TNRC18: variants seen among roughly 807,000 people sequenced by gnomAD.
The protein encoded by TNRC18 is trinucleotide repeat-containing gene 18 protein.
In TNRC18, 69 loss-of-function variants were observed where a neutral mutation model predicts 226.7. The observed-to-expected ratio is 0.30, with a 90% CI of 0.25 to 0.37. TNRC18 has a LOEUF of 0.37. TNRC18 is among the 10% of genes least tolerant of loss of function. The probability of loss-of-function intolerance (pLI) is 1.00; values close to 1 mark genes in which losing one functional copy is unlikely to be tolerated. For synonymous variants in TNRC18, 2,449 were observed against 1,927.6 expected, an observed-to-expected ratio of 1.27 and a Z score of -7.09; for missense variants, 4,754 against 4,256.6, an observed-to-expected ratio of 1.12 and a Z score of -3.25.
intron 16 of TNRC18, among the ~76,000 whole-genome samples, chr7:5,355,194 G>A (rs1352991607): frequency 6.6e-6 from 1 of 152,224 alleles, no homozygotes; most frequent in Non-Finnish European, 1.5e-5. Flanking sequence ...CACAGATACT[G>A]AGCAAGCACC....
Position 5,324,420 on chromosome 7 carries a change from C to A in TNRC18, c.6301-65G>T. 2 of 1,581,436 alleles carry A rather than the reference C, an allele frequency of 1.3e-6. No individual in the cohort carries two copies. Among genetic ancestry groups the A allele is most frequent in the African/African-American group, 1.3e-5 (1 of 74,526 alleles). ...AACAGGGGTCCTGCCGGGTTGGGGA[C>A]CCTCTCTGGAAACCTGGAGCCACAG... On this transcript the variant is annotated intron_variant, in intron 20 of 29. Transcript: ENST00000430969. This position sits in a 1 kb window ranked among gnomAD's most constrained non-coding sequence, Gnocchi z 4.8.
chr7:5,327,010 G>A (rs1241862482), intron 19 of TNRC18, among the ~76,000 whole-genome samples: 3 of 152,018 alleles, frequency 2.0e-5, no homozygotes, highest in African/African-American at 7.2e-5. Flanking sequence ...TGTAGTCCCA[G>A]CTACTCGGGA....
chr7:5,319,743 A>G lies in TNRC18; in HGVS notation c.6745+575T>C, dbSNP rs1020939918. On this transcript the variant is annotated intron_variant, in intron 24 of 29. Coordinates refer to ENST00000430969, the MANE Select transcript of TNRC18 (RefSeq NM_001080495.3). ...AAGCTGGTCTTGAACTCCTGACCTC[A>G]AGTGATTCCACCCACCTCGGCCTCC... 1.2e-4 allele frequency among the ~76,000 whole-genome samples: 19 copies of G among 152,138 alleles called. 1 individual carries two copies.
chr7:5,342,824 G>A (rs926638349), intron 18 of TNRC18, among the ~76,000 whole-genome samples: 50 of 152,310 alleles, frequency 3.3e-4, no homozygotes, highest in African/African-American at 1.2e-3. Flanking sequence ...ATGTTACAGA[G>A]AAATCTTTCT....
chr7:5,364,804 G>GAAAAAAA, intron 11 of TNRC18, among the ~76,000 whole-genome samples: 1 of 88,206 alleles, frequency 1.1e-5, no homozygotes, highest in Non-Finnish European at 2.2e-5. Flanking sequence ...GCTGTCTCAG[G>GAAAAAAA]AAAAAAAAAA....
chr7:5,401,805 G>C (rs1781110613), intron 2 of TNRC18, among the ~76,000 whole-genome samples: 1 of 152,174 alleles, frequency 6.6e-6, no homozygotes, highest in Non-Finnish European at 1.5e-5. Context: ...TTTACGGTAG[G>C]AACTGGGCAC....
chr7:5,349,390 T>A (rs1192133778), intron 17 of TNRC18, among the ~76,000 whole-genome samples: 1 of 152,184 alleles, frequency 6.6e-6, no homozygotes, highest in East Asian at 1.9e-4. Context: ...CCCATCAAAG[T>A]AACCCAAGGA....
intron 11 of TNRC18, among the ~76,000 whole-genome samples, chr7:5,365,685 C>T (rs1025451102): frequency 5.3e-5 from 8 of 152,042 alleles, no homozygotes; most frequent in African/African-American, 7.2e-5. Flanking sequence ...AACTCCTGGG[C>T]ACAAGCAGTC....
In TNRC18 at chr7:5,387,729, GGCCACTGCC is replaced by G. The variant is rs774153404; in HGVS notation, c.2086_2094del (p.Gly696_Gly698del). ...TGGTCTACCAGCCCAGGCCCCAGCC[GGCCACTGCC>G]GCCACTGTCCTTCTGCCGGGCCACA... On this transcript the variant is annotated inframe_deletion, in exon 5 of 30. Transcript: ENST00000430969. 4 of 1,606,210 alleles carry G rather than the reference GGCCACTGCC, an allele frequency of 2.5e-6. No homozygotes were observed. The South Asian group carries it at 3.3e-5, about 13-fold the overall frequency.
intron 5 of TNRC18, among the ~76,000 whole-genome samples, chr7:5,381,028 C>A (rs1203344611): frequency 1.3e-5 from 2 of 152,078 alleles, no homozygotes; most frequent in Non-Finnish European, 2.9e-5. Flanking sequence ...CTCTGTCCCC[C>A]CGACTGTCCC....
rs1489370914 is a variant in TNRC18, at chr7:5,370,541, C to T, written c.4053G>A (p.Leu1351=). ...GMNALAAAAE[L]PQARPLPSPG... is the part of the protein sequence containing the mutation. ...GGGAGGGCAGAGGCCTGGCCTGGGGCAGCTCCGCAGCTGCCGCCAGGGCGT... is the reference window on the plus strand; with the variant it reads ...GGGAGGGCAGAGGCCTGGCCTGGGGTAGCTCCGCAGCTGCCGCCAGGGCGT... The change falls in exon 11 of 30, where the codon CTG becomes CTA. Residue 1351 remains leucine, a synonymous_variant. Coordinates refer to ENST00000430969, the MANE Select transcript of TNRC18 (RefSeq NM_001080495.3). The T allele has an allele frequency of 2.5e-6, 4 of 1,605,720 alleles. No homozygotes were observed. Among genetic ancestry groups the T allele is most frequent in the Non-Finnish European group, 3.4e-6 (4 of 1,176,472 alleles).
At chr7:5,403,148 A>G (rs773104761) in intron 2 of TNRC18, among the ~76,000 whole-genome samples, 6 of 145,164 alleles carry the variant, frequency 4.1e-5, no homozygotes, top group Non-Finnish European at 7.5e-5. Flanking sequence ...AACCAAACAC[A>G]TTACATTTTA....
Position 5,371,046 on chromosome 7 carries a change from G to A in TNRC18, c.3548C>T (p.Ala1183Val), listed in dbSNP as rs748201025. The A allele has an allele frequency of 6.2e-7, 1 of 1,610,468 alleles. No homozygotes were observed. The highest frequency in any genetic ancestry group is 1.3e-5 in the African/African-American group (1 of 75,054). ...GCTGGGGGTAGCCATGGCTTCCGCG[G>A]CGGGCAGTGGCAGCGGCGACTCCAG... ...PPLESPLPLP[A>V]AEAMATPSPA... Residue 1183 changes from alanine to valine, a missense_variant, in exon 11 of 30, where the codon GCC (alanine) becomes GTC (valine). Coordinates refer to ENST00000430969, the MANE Select transcript of TNRC18 (RefSeq NM_001080495.3).
At position 5,309,385 on chromosome 7, in the gene TNRC18, G is replaced by T. The variant is rs1168231656; in HGVS notation, c.8389-17C>A. The T allele has an allele frequency of 6.9e-6, 11 of 1,593,360 alleles. No homozygotes were observed. The highest frequency in any genetic ancestry group is 9.4e-6 in the Non-Finnish European group (11 of 1,169,852). On this transcript the variant is annotated splice_polypyrimidine_tract_variant and intron_variant, in intron 27 of 29. Transcript: ENST00000430969. This position sits in a 1 kb window ranked among gnomAD's most constrained non-coding sequence, Gnocchi z 5.7. The stretch of plus-strand genomic sequence containing the variant: ...GCCACGCCGCTGCAAGGACACGTGT[G>T]TCACGGCACAGGCCCTGGCCCAGCC...
intron 17 of TNRC18, among the ~76,000 whole-genome samples, chr7:5,347,053 A>T (rs530161662): frequency 1.3e-5 from 2 of 151,460 alleles, no homozygotes; most frequent in Non-Finnish European, 1.5e-5. Flanking sequence ...TGTCTAAAGA[A>T]GCCCCAGGGC....
Position 5,371,295 on chromosome 7 carries a change from T to C in TNRC18, c.3299A>G (p.Gln1100Arg). 6.4e-7 allele frequency: 1 copy of C among 1,572,062 alleles called. No individual in the cohort carries two copies. The highest frequency in any genetic ancestry group is 8.6e-7 in the Non-Finnish European group (1 of 1,161,456). The change falls in exon 11 of 30, where the codon CAG becomes CGG. Residue 1100 changes from glutamine to arginine, a missense_variant. Gln to Arg is a conservative substitution (Grantham distance 43, BLOSUM62 1). Transcript: ENST00000430969. ...GTCCGCGTCGGCGGCGGCCGTGGGC[T>C]GCAGCAGGAAAGGGTAGGGCCTCCC... ...HYGRPYPFLL[Q>R]PTAAADADGL...
intron 16 of TNRC18, among the ~76,000 whole-genome samples, chr7:5,356,473 G>T (rs1000146322): frequency 1.3e-5 from 2 of 152,232 alleles, no homozygotes; most frequent in Admixed American, 6.5e-5. Context: ...CGCAACAGAC[G>T]GCATGCTTCC....
chr7:5,315,209 G>A, intron 25 of TNRC18, 61 bp from the exon 26 acceptor site: 1 of 1,543,762 alleles, frequency 6.5e-7, no homozygotes, highest in Non-Finnish European at 8.7e-7. Context: ...GAGCTTCCAA[G>A]ACCCTGGTCT....
At chr7:5,349,188 C>G (rs1416190665) in intron 17 of TNRC18, among the ~76,000 whole-genome samples, 3 of 152,196 alleles carry the variant, frequency 2.0e-5, no homozygotes, top group African/African-American at 7.2e-5. Flanking sequence ...CATGGGAGAC[C>G]CTCCCGCCTC....
Sources: allele counts gnomAD v4.1 joint callset (sites outside exome capture counted in the v4.1 genomes callset), GRCh38; gene constraint gnomAD v4.1.1; non-coding constraint Gnocchi (gnomAD v3.1); transcripts MANE v1.5; gene names NCBI Gene and HGNC (gene_info 2026-07-23, HGNC 2026-07-21).